PAK3: variants seen among roughly 807,000 people sequenced by gnomAD.
PAK3 encodes the protein p21 (RAC1) activated kinase 3, also known as serine/threonine-protein kinase PAK 3.
A neutral mutation model predicts 41.0 loss-of-function variants in PAK3; 4 were observed. The ratio of observed to expected loss-of-function variants is 0.10; its 90% CI spans 0.05 to 0.22. PAK3 has a LOEUF of 0.22. PAK3 is among the 10% of genes least tolerant of loss of function. The pLI, the probability that PAK3 is intolerant of heterozygous loss-of-function variation, is 1.00. For missense variants in PAK3, 205 were observed against 409.9 expected, an observed-to-expected ratio of 0.50 and a Z score of 4.32; for synonymous variants, 146 against 139.6, an observed-to-expected ratio of 1.05 and a Z score of -0.32.
At chrX:110,947,241 A>T (rs1392040066) in intron 1 of PAK3, among the ~76,000 whole-genome samples, 1 of 112,056 alleles carries the variant, frequency 8.9e-6, no homozygotes, top group Non-Finnish European at 1.9e-5. Flanking sequence ...ACAGAAGTAG[A>T]TGAGCTTGAA....
At chrX:111,090,393 C>A (rs1274063508) in intron 1 of PAK3, among the ~76,000 whole-genome samples, 2 of 111,579 alleles carry the variant, frequency 1.8e-5, no homozygotes, top group Non-Finnish European at 3.8e-5. Flanking sequence ...CAAGAGGGAC[C>A]TGGAGAGGGT....
chrX:111,191,542 A>G (rs1256734584), intron 11 of PAK3, among the ~76,000 whole-genome samples: 4 of 112,197 alleles, frequency 3.6e-5, no homozygotes, highest in African/African-American at 1.3e-4. Context: ...AGTACAGTAC[A>G]GCACTGAGAG....
intron 1 of PAK3, among the ~76,000 whole-genome samples, chrX:110,973,039 T>C (rs1181299177): frequency 9.0e-6 from 1 of 111,545 alleles, no homozygotes; most frequent in African/African-American, 3.3e-5. Context: ...AAATGAACAA[T>C]GCCTCCAAGA....
chrX:111,119,332 G>A (rs2093526971), intron 4 of PAK3, among the ~76,000 whole-genome samples: 1 of 111,882 alleles, frequency 8.9e-6, no homozygotes, highest in African/African-American at 3.2e-5. Context: ...AAATCAGTCT[G>A]TGAGCAGATA....
At chrX:111,090,476 G>T (rs1412453457) in intron 1 of PAK3, among the ~76,000 whole-genome samples, 2 of 111,706 alleles carry the variant, frequency 1.8e-5, no homozygotes, top group African/African-American at 3.3e-5. Context: ...TCCACCATTT[G>T]CCTTTTGGTG....
intron 16 of PAK3, among the ~76,000 whole-genome samples, chrX:111,201,932 C>A (rs1460848370): frequency 1.8e-5 from 2 of 110,151 alleles, no homozygotes; most frequent in African/African-American, 6.6e-5. Flanking sequence ...TTTACCCACT[C>A]ATGAAGGGAG....
chrX:111,100,706 G>A (rs2093114390), intron 3 of PAK3, among the ~76,000 whole-genome samples: 1 of 111,961 alleles, frequency 8.9e-6, no homozygotes, highest in Admixed American at 9.4e-5. Flanking sequence ...GGTAGACAGA[G>A]TAGTTGTCCA....
intron 1 of PAK3, among the ~76,000 whole-genome samples, chrX:111,056,569 C>T (rs191295642): frequency 8.9e-6 from 1 of 111,902 alleles, no homozygotes; most frequent in East Asian, 2.8e-4. Flanking sequence ...TATATAGGAA[C>T]CTACACAGAG....
chrX:110,952,749 A>G (rs938970697), intron 1 of PAK3, among the ~76,000 whole-genome samples: 2 of 111,796 alleles, frequency 1.8e-5, no homozygotes, highest in Admixed American at 1.9e-4. Context: ...TATTTGGCAA[A>G]TGACTTTAGA....
intron 7 of PAK3, among the ~76,000 whole-genome samples, chrX:111,150,702 A>G (rs1364004816): frequency 8.9e-6 from 1 of 111,938 alleles, no homozygotes; most frequent in Non-Finnish European, 1.9e-5. Flanking sequence ...AGCACGTGGG[A>G]ATTCTGGGAG....
chrX:111,107,650 C>T (rs2093297112), intron 4 of PAK3, among the ~76,000 whole-genome samples: 1 of 111,871 alleles, frequency 8.9e-6, no homozygotes, highest in Non-Finnish European at 1.9e-5. Flanking sequence ...AGAATATACC[C>T]AAGCTGCCAT....
At chrX:110,970,188 G>T (rs2091176312) in intron 1 of PAK3, among the ~76,000 whole-genome samples, 2 of 111,790 alleles carry the variant, frequency 1.8e-5, no homozygotes. Context: ...ATGTTTGTTG[G>T]CCACATAAAT....
chrX:111,150,558 A>G (rs1195954374), intron 7 of PAK3, among the ~76,000 whole-genome samples: 1 of 111,884 alleles, frequency 8.9e-6, no homozygotes, highest in Non-Finnish European at 1.9e-5. Flanking sequence ...GCAGCAACAG[A>G]AAATGAGAAA....
intron 1 of PAK3, among the ~76,000 whole-genome samples, chrX:111,078,620 G>T (rs1342370707): frequency 9.0e-6 from 1 of 110,588 alleles, no homozygotes; most frequent in Non-Finnish European, 1.9e-5. Flanking sequence ...CAACAATATT[G>T]AAATTAGGCC....
intron 16 of PAK3, among the ~76,000 whole-genome samples, chrX:111,211,674 CAAAAA>C (rs200390666): frequency 1.8e-5 from 1 of 55,148 alleles, no homozygotes. Context: ...GACTTTGTCT[CAAAAA>C]AAAAAAAAAA....
intron 6 of PAK3, among the ~76,000 whole-genome samples, chrX:111,146,951 T>A (rs2093952051): frequency 8.9e-6 from 1 of 111,739 alleles, no homozygotes; most frequent in Admixed American, 9.5e-5. Flanking sequence ...CCCTCCTCTC[T>A]GCTCTAAATG....
Position 111,163,586 on chromosome X carries a change from T to A in PAK3, c.625T>A (p.Ser209Thr). 8.3e-7 allele frequency: 1 copy of A among 1,205,766 alleles called. No individual in the cohort carries two copies. The highest frequency in any genetic ancestry group is 2.2e-5 in the Admixed American group (1 of 45,946). Residue 209 changes from serine (S) to threonine (T), a missense_variant, in exon 10 of 18, where the codon TCC becomes ACC. By Grantham distance (58) the Ser-to-Thr change is moderately conservative. Coordinates refer to ENST00000372007, the MANE Select transcript of PAK3 (RefSeq NM_002578.5). ...GATCTATACTCGTTCTGTGGTTGAA[T>A]CCATTGCTTCACCAGCAGTACCAAA... The part of the protein sequence containing the change: ...KSIYTRSVVE[S>T]IASPAVPNKE...
intron 1 of PAK3, among the ~76,000 whole-genome samples, chrX:111,006,238 A>G (rs2091921199): frequency 8.9e-6 from 1 of 112,184 alleles, no homozygotes; most frequent in Non-Finnish European, 1.9e-5. Context: ...GCCACATTTG[A>G]ATATGGACTA....
chrX:110,975,466 A>G (rs764139946), intron 1 of PAK3, among the ~76,000 whole-genome samples: 1 of 112,119 alleles, frequency 8.9e-6, no homozygotes, highest in East Asian at 2.8e-4. Flanking sequence ...AAGAGGACAC[A>G]AACAAATGGA....
Sources: gnomAD v4.1 joint callset for allele counts (sites outside exome capture counted in the v4.1 genomes callset) on GRCh38, gnomAD v4.1.1 for gene constraint, MANE v1.5 for transcripts, NCBI Gene and HGNC (gene_info 2026-07-23, HGNC 2026-07-21) for gene names.